CRPPA: variants seen among roughly 807,000 people sequenced by gnomAD.
CRPPA encodes D-ribitol-5-phosphate cytidylyltransferase.
Under a neutral mutation model 52.0 loss-of-function variants are expected in CRPPA, and 43 were observed. The observed-to-expected ratio is 0.83, with a 90% CI of 0.65 to 1.07. The LOEUF is 1.07. Ranked by LOEUF, CRPPA falls within the 50% of genes least tolerant of loss-of-function variation. CRPPA has a pLI of 0.00. For synonymous variants in CRPPA, 250 were observed against 203.5 expected (o/e 1.23, Z -1.94); for missense variants, 629 against 551.7 (o/e 1.14, Z -1.40).
At chr7:16,148,140 T>C (rs1783009456) in intron 9 of CRPPA, among the ~76,000 whole-genome samples, 1 of 152,164 alleles carries the variant, frequency 6.6e-6, no homozygotes, top group Admixed American at 6.5e-5. Context: ...TTGTTTTACA[T>C]ATAAACAAAC....
intron 3 of CRPPA, among the ~76,000 whole-genome samples, chr7:16,340,072 A>G (rs1785783194): frequency 6.6e-6 from 1 of 152,176 alleles, no homozygotes; most frequent in Admixed American, 6.5e-5. Context: ...AAAAGTCTAG[A>G]AAGACTTTAC....
At chr7:16,298,184 T>A (rs1478167093) in intron 5 of CRPPA, among the ~76,000 whole-genome samples, 1 of 152,130 alleles carries the variant, frequency 6.6e-6, no homozygotes, top group Non-Finnish European at 1.5e-5. Context: ...TGGGAGAGCA[T>A]CGTAAGACTT....
At chr7:16,103,614 G>C (rs1782092425) in intron 9 of CRPPA, among the ~76,000 whole-genome samples, 1 of 152,152 alleles carries the variant, frequency 6.6e-6, no homozygotes, top group Non-Finnish European at 1.5e-5. Context: ...AAAACACCCA[G>C]TCTAAGAAGT....
chr7:16,240,572 TACACACAC>T (rs71549978), intron 8 of CRPPA, among the ~76,000 whole-genome samples: 5 of 148,120 alleles, frequency 3.4e-5, no homozygotes, highest in South Asian at 2.2e-4. Flanking sequence ...TTATTACACA[TACACACAC>T]ACACACACAC....
chr7:16,370,590 C>G (rs1786723064), intron 3 of CRPPA, among the ~76,000 whole-genome samples: 1 of 152,108 alleles, frequency 6.6e-6, no homozygotes, highest in Non-Finnish European at 1.5e-5. Context: ...AAGGAAACAC[C>G]CTGTGGGACA....
chr7:16,268,463 C>T (rs1295137), intron 6 of CRPPA, among the ~76,000 whole-genome samples: 119,976 of 152,026 alleles, frequency 0.79, 48,105 homozygotes, highest in African/African-American at 0.94. Flanking sequence ...TTAATGTATA[C>T]TCCTCTTGTA....
chr7:16,148,055 G>C (rs1418412767), intron 9 of CRPPA, among the ~76,000 whole-genome samples: 1 of 151,918 alleles, frequency 6.6e-6, no homozygotes, highest in East Asian at 1.9e-4. Flanking sequence ...GTCTATCCCT[G>C]AACTGCCTCA....
intron 9 of CRPPA, among the ~76,000 whole-genome samples, chr7:16,168,096 C>T (rs1781104435): frequency 6.6e-6 from 1 of 152,086 alleles, no homozygotes; most frequent in Non-Finnish European, 1.5e-5. Flanking sequence ...ATTATGGTCA[C>T]CAATCACTAT....
chr7:16,117,330 C>G lies in CRPPA; in HGVS notation c.1252-25531G>C, dbSNP rs761364444. On this transcript the variant is annotated intron_variant, in intron 9 of 9. Coordinates refer to ENST00000407010, the MANE Select transcript of CRPPA (RefSeq NM_001101426.4). Reference sequence around the variant, plus strand: ...GGGTGAGTTCTCTTTGGAAGCGACTCTGAACTGAGCACGTAGTCATATCTA... The same window carrying G: ...GGGTGAGTTCTCTTTGGAAGCGACTGTGAACTGAGCACGTAGTCATATCTA... Among the ~76,000 whole-genome samples the G allele has an allele frequency of 6.6e-5, 10 of 152,290 alleles. No individual in the cohort carries two copies. In the South Asian group the frequency reaches 8.3e-4, roughly 13 times the overall value.
intron 9 of CRPPA, among the ~76,000 whole-genome samples, chr7:16,143,784 A>G (rs1347000837): frequency 6.6e-6 from 1 of 152,198 alleles, no homozygotes; most frequent in Non-Finnish European, 1.5e-5. Flanking sequence ...ACACTTCTAG[A>G]GGGGTACCAT....
intron 3 of CRPPA, among the ~76,000 whole-genome samples, chr7:16,352,823 GC>G (rs1022495229): frequency 5.0e-4 from 76 of 151,146 alleles, no homozygotes; most frequent in Non-Finnish European, 8.1e-4. Flanking sequence ...CGTCACATTA[GC>G]CAAGATATGG....
At chr7:16,095,240 T>A (rs1409213049) in intron 9 of CRPPA, among the ~76,000 whole-genome samples, 1 of 152,238 alleles carries the variant, frequency 6.6e-6, no homozygotes, top group Non-Finnish European at 1.5e-5. Context: ...GGACCATTTA[T>A]ATATTCCTTG....
chr7:16,401,718 T>C (rs1379303133), intron 2 of CRPPA, among the ~76,000 whole-genome samples: 1 of 152,222 alleles, frequency 6.6e-6, no homozygotes, highest in Non-Finnish European at 1.5e-5. Context: ...TTTCCAACAT[T>C]TCCCTTATAA....
At chr7:16,413,837 T>C (rs1583590839) in intron 1 of CRPPA, among the ~76,000 whole-genome samples, 1 of 152,178 alleles carries the variant, frequency 6.6e-6, no homozygotes, top group East Asian at 1.9e-4. Flanking sequence ...AATCTGAAGA[T>C]TTAGTTTCCA....
At chr7:16,271,877 C>A (rs1339224122) in intron 6 of CRPPA, among the ~76,000 whole-genome samples, 1 of 152,130 alleles carries the variant, frequency 6.6e-6, no homozygotes, top group Non-Finnish European at 1.5e-5. Context: ...CAGTTCAACT[C>A]CCTGTATCTA....
chr7:16,405,886 T>C (rs959950449), intron 2 of CRPPA, among the ~76,000 whole-genome samples, 175 bp downstream of exon 2: 2 of 152,236 alleles, frequency 1.3e-5, no homozygotes, highest in Admixed American at 6.5e-5. Context: ...GCAAAAGATA[T>C]GTTCCAGAAC....
intron 8 of CRPPA, among the ~76,000 whole-genome samples, chr7:16,256,730 A>G (rs2128411835): frequency 6.6e-6 from 1 of 152,142 alleles, no homozygotes; most frequent in South Asian, 2.1e-4. Flanking sequence ...ACATGGACAC[A>G]AGGAGGGGAA....
In CRPPA at chr7:16,342,798, T is replaced by TATAGATATA. The variant is rs1491461185; in HGVS notation, c.684+33293_684+33294insTATATCTAT. On this transcript the variant is annotated intron_variant, in intron 3 of 9. Transcript: ENST00000407010. ...AAAAAAAAAAATATATATATATATA[T>TATAGATATA]CTATATAGATATATAGATATACATA... Among the ~76,000 whole-genome samples, 25 of 101,230 alleles carry TATAGATATA rather than the reference T, an allele frequency of 2.5e-4. 1 individual carries two copies. Among genetic ancestry groups the TATAGATATA allele is most frequent in the Admixed American group, 6.0e-4 (5 of 8,316 alleles). The allele number at this position is 101,230 out of a possible 152,430, so 66.4% of individuals were successfully genotyped here. A position where few individuals can be genotyped will look rare whatever the true frequency, so the allele number is the denominator to read the frequency against.
At chr7:16,374,494 AC>A (rs1377412021) in intron 3 of CRPPA, among the ~76,000 whole-genome samples, 2 of 152,092 alleles carry the variant, frequency 1.3e-5, no homozygotes, top group Non-Finnish European at 2.9e-5. Context: ...TTTCATATAC[AC>A]ATATATCCTA....
Sources: allele counts gnomAD v4.1 joint callset (sites outside exome capture counted in the v4.1 genomes callset), GRCh38; gene constraint gnomAD v4.1.1; transcripts MANE v1.5; gene names NCBI Gene and HGNC (gene_info 2026-07-23, HGNC 2026-07-21).